Variants in EP400 observed in about 807,000 individuals in gnomAD.
EP400 encodes the protein E1A-binding protein p400.
In EP400, 105 loss-of-function variants were observed where a neutral mutation model predicts 354.1. That is an observed-to-expected ratio of 0.30 (90% CI 0.25 to 0.35). The LOEUF is 0.35. EP400 is among the 10% of genes least tolerant of loss of function. The probability of loss-of-function intolerance (pLI) is 1.00; values close to 1 mark genes in which losing one functional copy is unlikely to be tolerated. For synonymous variants in EP400, 1,646 were observed against 1,716.9 expected, an observed-to-expected ratio of 0.96 and a Z score of 1.02; for missense variants, 3,280 against 4,121.0, an observed-to-expected ratio of 0.80 and a Z score of 5.59.
rs1272114218 is a variant in EP400 at position 132,075,244 on chromosome 12, C to T, written c.9022-1272C>T. ...TTGCAAGCTCCCCACCGAGAACTGG[C>T]CTATACCTGGTGTCTGGTCAGCTGT... On this transcript the variant is annotated intron_variant, in intron 51 of 52. Transcript: ENST00000389561. The surrounding 1 kb of genome is among the most constrained non-coding windows in gnomAD (Gnocchi z 4.5). Among the ~76,000 whole-genome samples, 1 of 151,904 alleles carries T rather than the reference C, an allele frequency of 6.6e-6. No individual in the cohort carries two copies. Among genetic ancestry groups the T allele is most frequent in the Non-Finnish European group, 1.5e-5 (1 of 68,000 alleles).
intron 12 of EP400, among the ~76,000 whole-genome samples, chr12:131,997,757 G>T (rs965496875): frequency 1.3e-5 from 2 of 151,292 alleles, no homozygotes; most frequent in Non-Finnish European, 1.5e-5. Context: ...AGGGGGAGGG[G>T]AAGGGGTTGG....
At chr12:132,053,686 C>T in intron 43 of EP400, 89 bp downstream of exon 43, 1 of 1,366,034 alleles carries the variant, frequency 7.3e-7, no homozygotes, top group Non-Finnish European at 9.6e-7. Context: ...GAAACGAAGA[C>T]TTGTTGCCAG....
At chr12:132,044,340 T>C in intron 35 of EP400, 29 bp downstream of exon 35, 1 of 1,602,030 alleles carries the variant, frequency 6.2e-7, no homozygotes, top group Non-Finnish European at 8.5e-7. Context: ...TCCTGCCCTC[T>C]TGCCCCCCTG....
chr12:132,014,772 C>G (rs1893871887), intron 19 of EP400, among the ~76,000 whole-genome samples: 2 of 152,194 alleles, frequency 1.3e-5, no homozygotes, highest in South Asian at 4.1e-4. Flanking sequence ...GATGTGCTCC[C>G]CTCCTTGTGG....
At chr12:131,991,511 A>G (rs1893032333) in intron 10 of EP400, 55 bp downstream of exon 10, 4 of 1,495,756 alleles carry the variant, frequency 2.7e-6, no homozygotes, top group South Asian at 2.3e-5. Context: ...CAGCTCCAGT[A>G]GAGTGGGCCT....
intron 12 of EP400, among the ~76,000 whole-genome samples, chr12:131,996,318 G>A: frequency 9.2e-6 from 1 of 108,760 alleles, no homozygotes; most frequent in East Asian, 2.2e-4. Context: ...TTTTGAGATG[G>A]AGTCTCGCTG....
In EP400 at chr12:131,990,763, C is replaced by G. The variant is rs375072867; in HGVS notation, c.2629+49C>G. ...CACCACGCTTGGGTGGTATTTTGTT[C>G]GGATTCTTTTCTCAGCAGGCAGTCT... is the stretch of plus-strand genomic sequence containing the variant. On this transcript the variant is annotated intron_variant, in intron 9 of 52. Transcript: ENST00000389561. This position sits in a 1 kb window ranked among gnomAD's most constrained non-coding sequence, Gnocchi z 4.2. 9.9e-6 allele frequency: 14 copies of G among 1,416,028 alleles called. No individual in the cohort carries two copies. Among genetic ancestry groups the G allele is most frequent in the African/African-American group, 1.4e-5 (1 of 69,640 alleles). The allele number at this position is 1,416,028 out of a possible 1,614,324, so 87.7% of individuals were successfully genotyped here.
intron 45 of EP400, among the ~76,000 whole-genome samples, chr12:132,061,255 A>G (rs1204441663): frequency 2.0e-5 from 3 of 152,254 alleles, no homozygotes; most frequent in African/African-American, 4.8e-5. Flanking sequence ...ATGAGAGCAG[A>G]GCGAGTTGCT....
intron 5 of EP400, among the ~76,000 whole-genome samples, chr12:131,984,145 G>C (rs1892775278): frequency 6.6e-6 from 1 of 152,166 alleles, no homozygotes; most frequent in Non-Finnish European, 1.5e-5. Flanking sequence ...TGATCCGCTG[G>C]CTTTGGCCTT....
chr12:132,003,765 G>T (rs1893493463), intron 12 of EP400, among the ~76,000 whole-genome samples: 1 of 152,168 alleles, frequency 6.6e-6, no homozygotes, highest in Non-Finnish European at 1.5e-5. Context: ...GAATTCCACA[G>T]CCAACACTTA....
At position 132,052,355 on chromosome 12, in the gene EP400, A is replaced by T. The variant is rs971832374; in HGVS notation, c.7395-791A>T. On this transcript the variant is annotated intron_variant, in intron 41 of 52. Transcript: ENST00000389561. The surrounding 1 kb of genome is among the most constrained non-coding windows in gnomAD (Gnocchi z 4.4). ...GTCAGAAGGAGTTGGCTCAGGGCCCATCTCCGCAAACCCCCAGGACTCCCT... is the reference window on the plus strand; with the variant it reads ...GTCAGAAGGAGTTGGCTCAGGGCCCTTCTCCGCAAACCCCCAGGACTCCCT... Among the ~76,000 whole-genome samples, 2 of 152,154 alleles carry T rather than the reference A, an allele frequency of 1.3e-5. No homozygotes were observed. The highest frequency in any genetic ancestry group is 2.9e-5 in the Non-Finnish European group (2 of 68,020).
chr12:132,002,017 G>A lies in EP400; in HGVS notation c.2828-3060G>A, dbSNP rs535344124. On this transcript the variant is annotated intron_variant, in intron 12 of 52. Coordinates refer to ENST00000389561, the MANE Select transcript of EP400 (RefSeq NM_015409.5). ...TGCCTCGGCACCTGGATGGCTTGCCGCCCACATATTGGAACTTCATTGTGG... is the reference window on the plus strand; with the variant it reads ...TGCCTCGGCACCTGGATGGCTTGCCACCCACATATTGGAACTTCATTGTGG... 5.3e-5 allele frequency among the ~76,000 whole-genome samples: 8 copies of A among 152,238 alleles called. No individual in the cohort carries two copies. In the East Asian group the frequency reaches 7.7e-4, roughly 15 times the overall value.
chr12:132,062,111 C>G lies in EP400; in HGVS notation c.7886C>G (p.Thr2629Arg). 1.2e-6 allele frequency: 2 copies of G among 1,611,726 alleles called. No homozygotes were observed. The highest frequency in any genetic ancestry group is 1.7e-6 in the Non-Finnish European group (2 of 1,179,510). The part of the protein sequence containing the change: ...ASPVAPGALT[T>R]PGGSAPAQVV... ...AGGTCCTCTGTTTGCCTTTTCTAGACGCCGGGAGGCTCTGCTCCCGCCCAG... is the reference window on the plus strand; with the variant it reads ...AGGTCCTCTGTTTGCCTTTTCTAGAGGCCGGGAGGCTCTGCTCCCGCCCAG... Residue 2629 changes from threonine (T) to arginine (R), a missense_variant and splice_region_variant, in exon 46 of 53, where the codon ACG (threonine) becomes AGG (arginine). By Grantham distance (71) the Thr-to-Arg change is moderately conservative. Coordinates refer to ENST00000389561, the MANE Select transcript of EP400 (RefSeq NM_015409.5).
chr12:131,987,983 CTTTTTT>C (rs778740521), intron 7 of EP400, 93 bp downstream of exon 7: 684 of 267,874 alleles, frequency 2.6e-3, no homozygotes, highest in Middle Eastern at 6.9e-3. Context: ...TCCAGACCCA[CTTTTTT>C]TTTTTTTTTT....
chr12:132,075,669 A>AT lies in EP400; in HGVS notation c.9022-844dup, dbSNP rs1896211899. The AT allele has an allele frequency of 6.6e-6, 1 of 152,220 alleles. No individual in the cohort carries two copies. Among genetic ancestry groups the AT allele is most frequent in the Admixed American group, 6.5e-5 (1 of 15,278 alleles). 9.4% of individuals were successfully genotyped at this position (152,220 alleles called of 1,614,324 possible). A position where few individuals can be genotyped will look rare whatever the true frequency, so the allele number is the denominator to read the frequency against. The stretch of plus-strand genomic sequence containing the variant: ...GATTTTAATTTTAGTAAGGACTAAC[A>AT]TTTATTTCGACCTTTGTTCATGTGT... On this transcript the variant is annotated intron_variant, in intron 51 of 52. Coordinates refer to ENST00000389561, the MANE Select transcript of EP400 (RefSeq NM_015409.5). This position sits in a 1 kb window ranked among gnomAD's most constrained non-coding sequence, Gnocchi z 4.5.
In EP400 at chr12:132,054,480, C is replaced by T. The variant is rs529509084; in HGVS notation, c.7729-494C>T. Among the ~76,000 whole-genome samples, 6 of 152,218 alleles carry T rather than the reference C, an allele frequency of 3.9e-5. No homozygotes were observed. Among genetic ancestry groups the T allele is most frequent in the Admixed American group, 2.0e-4 (3 of 15,286 alleles). On this transcript the variant is annotated intron_variant, in intron 43 of 52. Transcript: ENST00000389561. The surrounding 1 kb of genome is among the most constrained non-coding windows in gnomAD (Gnocchi z 4.0). ...CCAAAGGGATCATTTTAAATGCTGG[C>T]GGGAGGAGTCAGGGTGGCACAATGC...
rs146487380 is a variant in EP400, at chr12:131,982,106, C to A, written c.1557C>A (p.Pro519=). The A allele has an allele frequency of 4.0e-6, 6 of 1,516,472 alleles. No individual in the cohort carries two copies. Among genetic ancestry groups the A allele is most frequent in the African/African-American group, 2.8e-5 (2 of 71,966 alleles). The allele number at this position is 1,516,472 out of a possible 1,614,324, so 93.9% of individuals were successfully genotyped here. The change falls in exon 5 of 53, where the codon CCC becomes CCA. Residue 519 remains proline, a synonymous_variant. Coordinates refer to ENST00000389561, the MANE Select transcript of EP400 (RefSeq NM_015409.5). ...CTTATTTTGCAGGAGGAATGCCCCCCACGCCGCAGGCCGCGCAGCTCGCTG... is the reference window on the plus strand; with the variant it reads ...CTTATTTTGCAGGAGGAATGCCCCCAACGCCGCAGGCCGCGCAGCTCGCTG... ...LMPTAQGGMP[P]TPQAAQLAGQ... is the part of the protein sequence containing the mutation.
intron 50 of EP400, chr12:132,068,075 G>A (rs1478490547): frequency 1.3e-5 from 2 of 152,466 alleles, no homozygotes; most frequent in African/African-American, 2.4e-5. Context: ...GTTGAAGGAC[G>A]TGAGGGGGAC....
chr12:132,034,164 T>A (rs971866663), intron 30 of EP400, among the ~76,000 whole-genome samples: 1 of 152,232 alleles, frequency 6.6e-6, no homozygotes, highest in African/African-American at 2.4e-5. Context: ...GATAAGGGCT[T>A]AGTGTGGAAT....
Sources: gnomAD v4.1 joint callset for allele counts (sites outside exome capture counted in the v4.1 genomes callset) on GRCh38, gnomAD v4.1.1 for gene constraint, Gnocchi (gnomAD v3.1) non-coding constraint, MANE v1.5 for transcripts, NCBI Gene and HGNC (gene_info 2026-07-23, HGNC 2026-07-21) for gene names.